PRKAR1A: variants seen among roughly 807,000 people sequenced by gnomAD.
PRKAR1A encodes the protein protein kinase cAMP-dependent type I regulatory subunit alpha.
Under a neutral mutation model 52.0 loss-of-function variants are expected in PRKAR1A, and 3 were observed. The observed-to-expected ratio is 0.06, with a 90% CI of 0.03 to 0.15. The LOEUF is 0.15. PRKAR1A is among the 10% of genes least tolerant of loss of function. PRKAR1A has a pLI of 1.00. For missense variants in PRKAR1A, 240 were observed against 477.4 expected (o/e 0.50, Z 4.63); for synonymous variants, 188 against 168.4 (o/e 1.12, Z -0.90).
At chr17:68,504,896 C>T in the PRKAR1A span, among the ~76,000 whole-genome samples, 1 of 152,104 alleles carries the variant, frequency 6.6e-6, no homozygotes, top group African/African-American at 2.4e-5. Flanking sequence ...GATTATTACC[C>T]ATTGTATGCC....
At chr17:68,420,870 A>G in the PRKAR1A span, 14 of 187,018 alleles carry the variant, frequency 7.5e-5, no homozygotes, top group Admixed American at 6.4e-4. Context: ...TCTGGTTCCC[A>G]GTTTCTCTGG....
the PRKAR1A span, among the ~76,000 whole-genome samples, chr17:68,474,961 AT>A: frequency 1.2e-3 from 179 of 152,350 alleles, 2 homozygotes; most frequent in African/African-American, 4.2e-3. Context: ...TTTAAAAAAA[AT>A]GTAATGTCTT....
rs1325106678 is a variant in PRKAR1A at position 68,528,913 on chromosome 17, G to A, written c.813G>A (p.Leu271=). The change falls in exon 9 of 11, where the codon TTG becomes TTA. Residue 271 remains leucine (L), a synonymous_variant. Coordinates refer to ENST00000589228, the MANE Select transcript of PRKAR1A (RefSeq NM_002734.5). The part of the protein sequence containing the change: ...KWERLTVADA[L]EPVQFEDGQK... ...AACGTCTTACGGTAGCTGATGCATT[G>A]GAACCAGTGCAGTTTGAAGATGGGC... The A allele has an allele frequency of 6.2e-7, 1 of 1,613,884 alleles. No individual in the cohort carries two copies. The highest frequency in any genetic ancestry group is 1.3e-5 in the African/African-American group (1 of 74,920).
At chr17:68,463,148 T>G in the PRKAR1A span, among the ~76,000 whole-genome samples, 1,023 of 152,158 alleles carry the variant, frequency 6.7e-3, 9 homozygotes, top group Non-Finnish European at 0.011. Context: ...ATCCCGAGAT[T>G]CTTGGTGAAC....
the PRKAR1A span, among the ~76,000 whole-genome samples, chr17:68,487,803 C>CAA: frequency 7.4e-5 from 9 of 121,630 alleles, no homozygotes; most frequent in Admixed American, 6.5e-4. Flanking sequence ...TCATCTCAGA[C>CAA]AAAAAAAAAA....
the PRKAR1A span, among the ~76,000 whole-genome samples, chr17:68,489,271 T>TGG: frequency 6.7e-5 from 1 of 14,928 alleles, no homozygotes; most frequent in Non-Finnish European, 1.1e-4. Context: ...GGAAAGTATA[T>TGG]ATATATATAT....
At chr17:68,441,634 G>T in the PRKAR1A span, among the ~76,000 whole-genome samples, 8 of 152,190 alleles carry the variant, frequency 5.3e-5, no homozygotes, top group East Asian at 1.5e-3. Flanking sequence ...CCTGTGCAAG[G>T]CTGTCCTATG....
At chr17:68,416,371 T>C in the PRKAR1A span, among the ~76,000 whole-genome samples, 3 of 152,184 alleles carry the variant, frequency 2.0e-5, no homozygotes, top group Non-Finnish European at 4.4e-5. Context: ...TTGTAGGGTA[T>C]CTGCTGTTAA....
intron 1 of PRKAR1A, chr17:68,513,030 C>A (rs1017642567): frequency 1.3e-5 from 2 of 152,246 alleles, no homozygotes; most frequent in South Asian, 4.1e-4. Flanking sequence ...AGTAGCCTTT[C>A]CTCTTCATAG....
the PRKAR1A span, among the ~76,000 whole-genome samples, chr17:68,504,543 A>T: frequency 6.6e-6 from 1 of 152,230 alleles, no homozygotes; most frequent in Admixed American, 6.5e-5. Flanking sequence ...TTGCAACAAC[A>T]TGGAAACAAC....
chr17:68,436,052 C>T, the PRKAR1A span, among the ~76,000 whole-genome samples: 1 of 152,228 alleles, frequency 6.6e-6, no homozygotes, highest in African/African-American at 2.4e-5. Context: ...CCTCAGAGAC[C>T]AGAGGGCAGG....
the PRKAR1A span, among the ~76,000 whole-genome samples, chr17:68,471,479 T>G: frequency 6.6e-6 from 1 of 152,172 alleles, no homozygotes; most frequent in Non-Finnish European, 1.5e-5. Flanking sequence ...AAACCCTAAC[T>G]TTTCAGAGAG....
the PRKAR1A span, among the ~76,000 whole-genome samples, chr17:68,470,205 C>T: frequency 6.6e-6 from 1 of 152,092 alleles, no homozygotes; most frequent in South Asian, 2.1e-4. Flanking sequence ...GCTTCAGCCT[C>T]CTAATAGCTG....
intron 11 of PRKAR1A, among the ~76,000 whole-genome samples, chr17:68,550,444 G>A (rs887845313): frequency 3.6e-5 from 5 of 139,538 alleles, no homozygotes; most frequent in African/African-American, 5.3e-5. Context: ...GCAGTGGTGC[G>A]ATCTCAGCTC....
upstream of PRKAR1A, among the ~76,000 whole-genome samples, chr17:68,508,488 G>A (rs532300509): frequency 6.6e-6 from 1 of 152,264 alleles, no homozygotes; most frequent in South Asian, 2.1e-4. Context: ...GATTACTCAA[G>A]GACATAAAGA....
At chr17:68,518,625 C>G (rs2143203727) in intron 2 of PRKAR1A, among the ~76,000 whole-genome samples, 2 of 152,346 alleles carry the variant, frequency 1.3e-5, no homozygotes, top group Admixed American at 1.3e-4. Context: ...AACCATTTTC[C>G]CCTCCTAGGC....
At chr17:68,420,723 C>T in the PRKAR1A span, 1 of 486,890 alleles carries the variant, frequency 2.1e-6, no homozygotes, top group Non-Finnish European at 3.6e-6. Context: ...GGTGCCAGCT[C>T]CAGCTTTTGA....
At chr17:68,437,112 C>G in the PRKAR1A span, among the ~76,000 whole-genome samples, 1 of 152,022 alleles carries the variant, frequency 6.6e-6, no homozygotes, top group Admixed American at 6.5e-5. Flanking sequence ...CCATTATCCT[C>G]TAGGGTTACA....
chr17:68,520,837 T>A (rs1298597028), intron 2 of PRKAR1A, among the ~76,000 whole-genome samples: 1 of 152,244 alleles, frequency 6.6e-6, no homozygotes, highest in Non-Finnish European at 1.5e-5. Flanking sequence ...AAATGTTATT[T>A]GTGAAATTTT....
Sources: gnomAD v4.1 joint callset for allele counts (sites outside exome capture counted in the v4.1 genomes callset) on GRCh38, gnomAD v4.1.1 for gene constraint, MANE v1.5 for transcripts, NCBI Gene and HGNC (gene_info 2026-07-23, HGNC 2026-07-21) for gene names.